The following PABPC1L variants were observed in gnomAD, a reference collection of about 807,000 sequenced individuals.
PABPC1L encodes polyadenylate-binding protein 1-like.
Under a neutral mutation model 66.6 loss-of-function variants are expected in PABPC1L, and 31 were observed. The ratio of observed to expected loss-of-function variants is 0.47; its 90% confidence interval spans 0.35 to 0.63. PABPC1L has a LOEUF of 0.63. PABPC1L is among the 20% of genes least tolerant of loss of function. The pLI is 0.00. For synonymous variants in PABPC1L, 348 were observed against 335.1 expected, an observed-to-expected ratio of 1.04 and a Z score of -0.42; for missense variants, 722 against 848.8, an observed-to-expected ratio of 0.85 and a Z score of 1.86.
chr20:44,932,937 G>C (rs2145579643), intron 9 of PABPC1L, 120 bp from the exon 10 acceptor site: 1 of 637,298 alleles, frequency 1.6e-6, no homozygotes, highest in African/African-American at 1.8e-5. Context: ...TGTTGTGAAT[G>C]TTGTAGTTTC....
At chr20:44,936,921 G>C in intron 12 of PABPC1L, 191 bp downstream of exon 12, 2 of 680,656 alleles carry the variant, frequency 2.9e-6, no homozygotes, top group South Asian at 3.0e-5. Flanking sequence ...TTAAAACGCT[G>C]GTCAGACTGG....
intron 7 of PABPC1L, among the ~76,000 whole-genome samples, chr20:44,924,641 C>T (rs987821135): frequency 7.2e-5 from 11 of 152,202 alleles, no homozygotes; most frequent in Non-Finnish European, 1.5e-4. Flanking sequence ...AGTGAGAGGG[C>T]TGGACTTCGT....
At chr20:44,934,261 G>A (rs1221985325) in intron 10 of PABPC1L, among the ~76,000 whole-genome samples, 1 of 152,228 alleles carries the variant, frequency 6.6e-6, no homozygotes, top group Non-Finnish European at 1.5e-5. Context: ...GGTATACTCA[G>A]TCTCTGGCCT....
intron 5 of PABPC1L, among the ~76,000 whole-genome samples, chr20:44,920,070 C>T (rs918751613): frequency 3.3e-5 from 5 of 152,240 alleles, no homozygotes; most frequent in Admixed American, 2.6e-4. Flanking sequence ...CCCATTCCCC[C>T]AACACATGAA....
intron 12 of PABPC1L, chr20:44,937,189 T>A: frequency 8.5e-6 from 3 of 351,068 alleles, no homozygotes; most frequent in South Asian, 6.4e-5. Flanking sequence ...ATGTTTCCCA[T>A]AGATTCTGGA....
chr20:44,912,837 A>G lies in PABPC1L; in HGVS notation c.371A>G (p.Asn124Ser), dbSNP rs749928520. 6.2e-6 allele frequency: 10 copies of G among 1,613,762 alleles called. No individual in the cohort carries two copies. The highest frequency in any genetic ancestry group is 1.7e-5 in the Admixed American group (1 of 60,002). The change falls in exon 2 of 15, where the codon AAC (asparagine) becomes AGC (serine). Residue 124 changes from asparagine to serine, a missense_variant. Physicochemically the swap from Asn to Ser is conservative, Grantham distance 46 (BLOSUM62 1). Around this residue, in one of 3 missense-constraint regions of PABPC1L, gnomAD observed 284 missense variants for 294.8 expected, o/e 0.96. Coordinates refer to ENST00000217073, the MANE Select transcript of PABPC1L (RefSeq NM_001372179.1). Reference protein sequence around the residue: ...ALYDTFSTFGNILSCKVACDE... With the variant: ...ALYDTFSTFGSILSCKVACDE... ...TATGATACCTTCTCCACCTTTGGGA[A>G]CATCCTCTCTTGCAAGGTAGAGGAT... is the stretch of plus-strand genomic sequence containing the variant.
At chr20:44,930,365 A>T in intron 7 of PABPC1L, 95 bp from the exon 8 acceptor site, 2 of 1,476,294 alleles carry the variant, frequency 1.4e-6, no homozygotes, top group Non-Finnish European at 1.8e-6. Flanking sequence ...GGGCCTGCCC[A>T]GTGCTGGGCT....
At chr20:44,920,446 T>C (rs547749882) in intron 5 of PABPC1L, among the ~76,000 whole-genome samples, 94 of 152,216 alleles carry the variant, frequency 6.2e-4, no homozygotes, top group Non-Finnish European at 1.1e-3. Context: ...TGGGAATATA[T>C]AAATATTTAC....
intron 9 of PABPC1L, chr20:44,932,701 C>G (rs1479178723): frequency 2.0e-6 from 1 of 509,444 alleles, no homozygotes; most frequent in Admixed American, 3.3e-5. Context: ...AAAATTCTTG[C>G]AAAGCTGAGA....
intron 8 of PABPC1L, chr20:44,932,080 A>G (rs923728913): frequency 3.1e-6 from 1 of 317,812 alleles, no homozygotes; most frequent in African/African-American, 2.1e-5. Context: ...AGTTGGAGTA[A>G]GATGTCACCC....
intron 1 of PABPC1L, among the ~76,000 whole-genome samples, chr20:44,911,589 C>T (rs2066705214): frequency 1.3e-5 from 2 of 152,212 alleles, no homozygotes; most frequent in Admixed American, 6.5e-5. Context: ...TCCCTTGCGC[C>T]AGGTCGCCTG....
intron 5 of PABPC1L, 72 bp from the exon 6 acceptor site, chr20:44,921,522 A>G: frequency 6.3e-7 from 1 of 1,577,298 alleles, no homozygotes; most frequent in Non-Finnish European, 8.6e-7. Flanking sequence ...GCCCCTCTAG[A>G]TCCAGAAGAT....
chr20:44,914,654 G>T (rs2066726834), intron 2 of PABPC1L, among the ~76,000 whole-genome samples: 1 of 152,182 alleles, frequency 6.6e-6, no homozygotes. Flanking sequence ...TGCACTAAGG[G>T]TTATCTGTGA....
intron 2 of PABPC1L, among the ~76,000 whole-genome samples, chr20:44,915,802 A>C (rs1192470595): frequency 1.9e-5 from 1 of 53,748 alleles, no homozygotes; most frequent in East Asian, 4.6e-4. Context: ...TCTATCTCAA[A>C]AAAAAAAAAA....
Position 44,939,204 on chromosome 20 carries a change from CTT to C in PABPC1L, c.*86_*87del. The stretch of plus-strand genomic sequence containing the variant: ...AGCCCTAAGGCCCTGCAAACTCTAA[CTT>C]ATTTCCCAATTAGTCTGTATCTATA... On this transcript the variant is annotated 3_prime_UTR_variant, in exon 15 of 15. Transcript: ENST00000217073. The C allele has an allele frequency of 1.4e-6, 1 of 717,938 alleles. No homozygotes were observed. 44.5% of individuals were successfully genotyped at this position (717,938 alleles called of 1,614,324 possible). A position where few individuals can be genotyped will look rare whatever the true frequency, so the allele number is the denominator to read the frequency against.
intron 7 of PABPC1L, among the ~76,000 whole-genome samples, chr20:44,930,230 G>A (rs2066841066): frequency 1.3e-5 from 2 of 151,792 alleles, no homozygotes; most frequent in African/African-American, 2.4e-5. Flanking sequence ...TCACTCCTCA[G>A]TAAATGGGGG....
chr20:44,937,882 C>A, intron 12 of PABPC1L, 179 bp from the exon 13 acceptor site: 1 of 830,272 alleles, frequency 1.2e-6, no homozygotes, highest in Non-Finnish European at 1.8e-6. Context: ...ACCACCAATA[C>A]CAGGCCCAGT....
At chr20:44,938,336 A>G (rs2145586580) in intron 13 of PABPC1L, 145 bp downstream of exon 13, 2 of 1,173,610 alleles carry the variant, frequency 1.7e-6, no homozygotes, top group Non-Finnish European at 2.3e-6. Context: ...CTGAATCTTA[A>G]GAGTGGAAGG....
At chr20:44,928,879 A>G (rs1334228503) in intron 7 of PABPC1L, among the ~76,000 whole-genome samples, 11 of 150,196 alleles carry the variant, frequency 7.3e-5, no homozygotes, top group Non-Finnish European at 7.4e-5. Context: ...AAAAAAAAAA[A>G]AAAAAAGAAA....
Sources: allele counts gnomAD v4.1 joint callset (sites outside exome capture counted in the v4.1 genomes callset), GRCh38; gene constraint gnomAD v4.1.1; regional missense constraint gnomAD v4.1.1; transcripts MANE v1.5; gene names NCBI Gene and HGNC (gene_info 2026-07-23, HGNC 2026-07-21).